Variants in STOX2 observed in about 807,000 individuals in gnomAD.
STOX2 encodes storkhead-box protein 2.
A neutral mutation model predicts 60.9 loss-of-function variants in STOX2; 28 were observed. The observed-to-expected ratio is 0.46, with a 90% CI of 0.34 to 0.63. The LOEUF is 0.63. STOX2 is among the 30% of genes least tolerant of loss of function. STOX2 has a pLI of 0.01. For missense variants in STOX2, 1,024 were observed against 1,187.7 expected (o/e 0.86, Z 2.03); for synonymous variants, 472 against 463.9 (o/e 1.02, Z -0.22).
intron 1 of STOX2, among the ~76,000 whole-genome samples, chr4:183,898,561 G>A (rs370997602): frequency 3.9e-5 from 6 of 151,930 alleles, no homozygotes; most frequent in African/African-American, 7.3e-5. Context: ...ACTTGCAAGC[G>A]CTGAAATAAA....
At chr4:183,860,465 A>G (rs1362137079) in intron 1 of STOX2, among the ~76,000 whole-genome samples, 5 of 147,666 alleles carry the variant, frequency 3.4e-5, no homozygotes, top group South Asian at 4.4e-4. Context: ...AAAAGAAGAA[A>G]AAGAAGAAAA....
intron 1 of STOX2, among the ~76,000 whole-genome samples, chr4:183,956,377 TATCTATCTATC>T (rs1743247711): frequency 3.5e-4 from 50 of 141,422 alleles, no homozygotes; most frequent in African/African-American, 1.5e-3. Flanking sequence ...TCTATCTATC[TATCTATCTATC>T]TATCTATCTA....
intron 1 of STOX2, among the ~76,000 whole-genome samples, chr4:183,930,683 A>C (rs779438558): frequency 6.6e-6 from 1 of 152,216 alleles, no homozygotes; most frequent in South Asian, 2.1e-4. Context: ...GAAGGAAGTT[A>C]GTCTTCAATA....
Position 183,856,633 on chromosome 4 carries a change from A to C in STOX2, c.364+58578A>C, listed in dbSNP as rs75213745. 6.6e-6 allele frequency among the ~76,000 whole-genome samples: 1 copy of C among 152,180 alleles called. No individual in the cohort carries two copies. The highest frequency in any genetic ancestry group is 2.1e-4 in the South Asian group (1 of 4,822). On this transcript the variant is annotated intron_variant, in intron 1 of 2. Transcript: ENST00000513034. The surrounding 1 kb of genome is among the most constrained non-coding windows in gnomAD (Gnocchi z 4.0). ...TAATGGTAGGGTGGTTCATGTGAAC[A>C]TCGCTTTGCAGTTAGCTGTCTCGGA...
chr4:183,832,102 G>A (rs1739583217), intron 1 of STOX2, among the ~76,000 whole-genome samples: 2 of 151,196 alleles, frequency 1.3e-5, no homozygotes. Flanking sequence ...TGATTCTCCT[G>A]CCTCAGCCTC....
intron 1 of STOX2, among the ~76,000 whole-genome samples, chr4:183,948,277 G>C (rs1298775788): frequency 1.4e-5 from 2 of 138,594 alleles, no homozygotes; most frequent in African/African-American, 2.6e-5. Context: ...TGTTTGACAA[G>C]TATGTGGAGG....
At position 183,995,291 on chromosome 4, in the gene STOX2, CTTTTTTTTTTTTTTTTTTT is replaced by C. The variant is rs61681165; in HGVS notation, c.167-6020_167-6002del. 2.7e-3 allele frequency among the ~76,000 whole-genome samples: 214 copies of C among 79,462 alleles called. 1 individual carries two copies. Among genetic ancestry groups the C allele is most frequent in the African/African-American group, 0.013 (205 of 16,146 alleles). 52.1% of individuals were successfully genotyped at this position (79,462 alleles called of 152,430 possible). ...ATAAAGGACAGGGCTTTATTTTAGT[CTTTTTTTTTTTTTTTTTTT>C]TTTTTTTTTTTTTGCACAAATAGAA... On this transcript the variant is annotated intron_variant, in intron 1 of 3. Transcript: ENST00000308497.
At chr4:183,993,148 C>T (rs1027220175) in intron 1 of STOX2, among the ~76,000 whole-genome samples, 8 of 152,228 alleles carry the variant, frequency 5.3e-5, no homozygotes, top group Non-Finnish European at 8.8e-5. Flanking sequence ...CCCTTTCTGC[C>T]CGATGCTCTA....
rs756295223 is a variant in STOX2 at position 184,010,000 on chromosome 4, C to T, written c.1162C>T (p.His388Tyr). 5 of 1,613,816 alleles carry T rather than the reference C, an allele frequency of 3.1e-6. No individual in the cohort carries two copies. In the Admixed American group the frequency reaches 6.7e-5, roughly 22 times the overall value. ...VSKGDPSDGSHLDIPAEREYD... is the reference protein window; with the variant it reads ...VSKGDPSDGSYLDIPAEREYD... ...TAAAGGAGACCCTTCCGACGGTTCA[C>T]ATCTGGATATCCCAGCTGAAAGAGA... Residue 388 changes from histidine (H) to tyrosine (Y), a missense_variant, in exon 3 of 4, where the codon CAT becomes TAT. Around this residue, in one of 3 missense-constraint regions of STOX2, gnomAD observed 922 missense variants for 1,058.3 expected, o/e 0.87. Coordinates refer to ENST00000308497, the MANE Select transcript of STOX2 (RefSeq NM_020225.3). This position sits in a 1 kb window ranked among gnomAD's most constrained non-coding sequence, Gnocchi z 4.0.
intron 1 of STOX2, among the ~76,000 whole-genome samples, chr4:183,946,003 A>G (rs1419334191): frequency 6.6e-6 from 1 of 152,222 alleles, no homozygotes; most frequent in East Asian, 1.9e-4. Context: ...TAAAGGGAAC[A>G]ATTTAACATA....
intron 1 of STOX2, among the ~76,000 whole-genome samples, chr4:183,833,841 G>A (rs913295258): frequency 6.6e-6 from 1 of 151,422 alleles, no homozygotes; most frequent in African/African-American, 2.4e-5. Context: ...AATTAGCCGG[G>A]CGTGGTGGCA....
chr4:183,878,803 T>C (rs1740886603), intron 1 of STOX2, among the ~76,000 whole-genome samples: 1 of 152,224 alleles, frequency 6.6e-6, no homozygotes, highest in Admixed American at 6.5e-5. Flanking sequence ...AACCTTTGTA[T>C]TGAGATTAGG....
At chr4:183,851,324 T>G (rs1740128395) in intron 1 of STOX2, among the ~76,000 whole-genome samples, 2 of 73,524 alleles carry the variant, frequency 2.7e-5, no homozygotes, top group African/African-American at 5.2e-5. Flanking sequence ...AGGGAAAGGA[T>G]GAGGGAAAGG....
chr4:183,948,117 C>A (rs945865581), intron 1 of STOX2, among the ~76,000 whole-genome samples: 2 of 144,004 alleles, frequency 1.4e-5, no homozygotes, highest in African/African-American at 5.1e-5. Context: ...AGTCAGGAGG[C>A]TGAGGCAGGT....
intron 3 of STOX2, among the ~76,000 whole-genome samples, chr4:184,016,595 C>CA (rs1269471074): frequency 6.6e-6 from 1 of 151,946 alleles, no homozygotes; most frequent in Non-Finnish European, 1.5e-5. Flanking sequence ...CAGGGTCCCC[C>CA]AAAAAAGGGC....
chr4:183,897,196 G>A (rs1438009955), intron 1 of STOX2, among the ~76,000 whole-genome samples: 1 of 152,202 alleles, frequency 6.6e-6, no homozygotes, highest in Non-Finnish European at 1.5e-5. Context: ...AACCTGTAGA[G>A]GTTTGGTGAC....
Position 184,007,344 on chromosome 4 carries a change from T to G in STOX2, c.320-1814T>G, listed in dbSNP as rs1337325996. ...TGGAAGGACTTGGGGAGTTGAAGCA[T>G]CTCAGCTGACCCAGGTGTTCTAGGT... On this transcript the variant is annotated intron_variant, in intron 2 of 3. Coordinates refer to ENST00000308497, the MANE Select transcript of STOX2 (RefSeq NM_020225.3). 2.6e-5 allele frequency among the ~76,000 whole-genome samples: 4 copies of G among 152,290 alleles called. No individual in the cohort carries two copies. In the East Asian group the frequency reaches 7.7e-4, roughly 29 times the overall value.
At chr4:183,883,771 C>T (rs1741011462) in intron 1 of STOX2, among the ~76,000 whole-genome samples, 2 of 152,158 alleles carry the variant, frequency 1.3e-5, no homozygotes, top group Non-Finnish European at 2.9e-5. Context: ...AAATGTGACA[C>T]GACTTTACAA....
At chr4:183,811,913 A>G (rs898297898) in intron 1 of STOX2, among the ~76,000 whole-genome samples, 2 of 148,916 alleles carry the variant, frequency 1.3e-5, no homozygotes, top group Non-Finnish European at 3.0e-5. Context: ...AAAATGACCT[A>G]GTGAGAAAGC....
Sources: gnomAD v4.1 joint callset for allele counts (sites outside exome capture counted in the v4.1 genomes callset) on GRCh38, gnomAD v4.1.1 for gene constraint, gnomAD v4.1.1 regional missense constraint, Gnocchi (gnomAD v3.1) non-coding constraint, MANE v1.5 for transcripts, NCBI Gene and HGNC (gene_info 2026-07-23, HGNC 2026-07-21) for gene names.